ZNF582: variants seen among roughly 807,000 people sequenced by gnomAD.
ZNF582 encodes the protein zinc finger protein 582.
ZNF582 carries 14 observed loss-of-function variants against 12.3 expected under a neutral mutation model. The ratio of observed to expected loss-of-function variants is 1.14; its 90% confidence interval spans 0.75 to 1.78. The LOEUF (loss-of-function observed/expected upper bound fraction) is 1.78, where lower values mean the gene tolerates loss of function less well. Among genes scored for constraint, ZNF582 ranks in the 40% most tolerant of loss-of-function variants. The pLI, the probability that ZNF582 is intolerant of heterozygous loss-of-function variation, is 0.00. For missense variants in ZNF582, 567 were observed against 616.5 expected (o/e 0.92, Z 0.85); for synonymous variants, 210 against 207.2 (o/e 1.01, Z -0.11).
At chr19:56,384,569 T>C in exon 5 of ZNF582, 1 of 1,614,196 alleles carries the variant, frequency 6.2e-7, no homozygotes, top group Non-Finnish European at 8.5e-7. Flanking sequence ...CTTACACTGA[T>C]AGGGTTTCTC....
exon 1 of ZNF582, chr19:56,393,271 C>T: frequency 1.6e-6 from 2 of 1,243,428 alleles, no homozygotes; most frequent in Middle Eastern, 2.3e-4. Flanking sequence ...AAGGGGGCGC[C>T]AGAAAGCGCA....
exon 4 of ZNF582, chr19:56,390,025 C>G: frequency 6.2e-7 from 1 of 1,614,068 alleles, no homozygotes; most frequent in South Asian, 1.1e-5. Context: ...CCAGACACCA[C>G]TCTCTCCACC....
chr19:56,393,058 G>A (rs555733496), intron 1 of ZNF582, among the ~76,000 whole-genome samples, 162 bp downstream of exon 1: 54 of 151,552 alleles, frequency 3.6e-4, no homozygotes, highest in Admixed American at 6.6e-4. Context: ...CCAAGTATAA[G>A]TTTTTCTAAA....
intron 4 of ZNF582, among the ~76,000 whole-genome samples, chr19:56,389,271 T>C (rs1216926812): frequency 4.6e-5 from 7 of 152,208 alleles, no homozygotes; most frequent in African/African-American, 1.7e-4. Flanking sequence ...CCATGGTGCA[T>C]AATAAAAGCT....
At chr19:56,385,174 G>A (rs1034688442) in exon 5 of ZNF582, 2 of 1,592,666 alleles carry the variant, frequency 1.3e-6, no homozygotes, top group Non-Finnish European at 1.7e-6. Context: ...TATCATATCT[G>A]GACTCCAATA....
chr19:56,384,511 A>G, exon 5 of ZNF582: 1 of 1,613,044 alleles, frequency 6.2e-7, no homozygotes, highest in African/African-American at 1.3e-5. Flanking sequence ...TATGAATTCT[A>G]TAATGTACTT....
exon 3 of ZNF582, chr19:56,390,402 C>T: frequency 6.2e-7 from 1 of 1,614,192 alleles, no homozygotes; most frequent in Admixed American, 1.7e-5. Flanking sequence ...CTGTAGGTCT[C>T]CAACATCACG....
intron 1 of ZNF582, among the ~76,000 whole-genome samples, chr19:56,392,910 C>T (rs1256452637): frequency 6.6e-6 from 1 of 152,062 alleles, no homozygotes; most frequent in Admixed American, 6.5e-5. Flanking sequence ...ATGTAATAGG[C>T]AGCTTTTCCT....
intron 2 of ZNF582, 116 bp downstream of exon 2, chr19:56,391,628 G>C: frequency 2.3e-6 from 2 of 868,900 alleles, no homozygotes; most frequent in Non-Finnish European, 1.9e-6. Flanking sequence ...GGAGACTCCT[G>C]CCTGGTCCTT....
In ZNF582 at chr19:56,390,136, G is replaced by A. The variant is rs150210179; in HGVS notation, c.137-40C>T. The A allele has an allele frequency of 3.9e-4, 620 of 1,594,330 alleles. 2 individuals carry two copies. In the African/African-American group the frequency reaches 7.2e-3, roughly 18 times the overall value. On this transcript the variant is annotated intron_variant, in intron 3 of 4. Transcript: ENST00000586929. The stretch of plus-strand genomic sequence containing the variant: ...AAACATGCCACCTGGTTATGGTGTG[G>A]GGGCCCCAGAATTCAGATCCAGGAC...
At chr19:56,384,988 G>T (rs138147752) in exon 5 of ZNF582, 4 of 1,614,020 alleles carry the variant, frequency 2.5e-6, no homozygotes, top group Non-Finnish European at 3.4e-6. Flanking sequence ...CATGTCTGAT[G>T]ATCATCTGAT....
chr19:56,393,508 C>T (rs1204347271), exon 1 of ZNF582: 3 of 502,330 alleles, frequency 6.0e-6, no homozygotes, highest in Admixed American at 4.1e-5. Flanking sequence ...GCGCTTCCAC[C>T]ACGGTACCGG....
rs143822570 is a variant in ZNF582, at chr19:56,389,615, C to A, written c.232+386G>T. Among the ~76,000 whole-genome samples, 342 of 151,982 alleles carry A rather than the reference C, an allele frequency of 2.3e-3. 1 individual carries two copies. Among genetic ancestry groups the A allele is most frequent in the South Asian group, 4.8e-3 (23 of 4,806 alleles). On this transcript the variant is annotated intron_variant, in intron 4 of 4. Transcript: ENST00000586929. ...GTGATGAAATAATCTGTAAACAAAC[C>A]CCCATGACACAAGTTTACCTATTTA...
chr19:56,383,542 T>A (rs1223601667), exon 5 of ZNF582: 1 of 201,266 alleles, frequency 5.0e-6, no homozygotes, highest in East Asian at 1.1e-4. Flanking sequence ...TTATGGTAAT[T>A]GCATGATTTC....
chr19:56,385,191 A>G lies in ZNF582; in HGVS notation c.233-7T>C. ...TCATATCTGGACTCCAATACTAAGA[A>G]TGAAAAAAAGCGAATATGTTTGGCT... On this transcript the variant is annotated splice_region_variant and splice_polypyrimidine_tract_variant and intron_variant, in intron 4 of 4. Transcript: ENST00000586929. 1 of 1,559,468 alleles carries G rather than the reference A, an allele frequency of 6.4e-7. No homozygotes were observed.
chr19:56,383,945 C>T lies in ZNF582; in HGVS notation c.1472G>A (p.Ser491Asn), dbSNP rs571710209. The T allele has an allele frequency of 1.9e-5, 30 of 1,613,370 alleles. No individual in the cohort carries two copies. In the South Asian group the frequency reaches 2.3e-4, roughly 12 times the overall value. ...TTCTCTGATGATTAGTAAGGGGTAA[C>T]TGCTGATGGAAGGCTTTTCTACATT... is the stretch of plus-strand genomic sequence containing the variant. Residue 491 changes from serine (S) to asparagine (N), a missense_variant, in exon 5 of 5, where the codon AGT becomes AAT. Physicochemically the swap from Ser to Asn is conservative, Grantham distance 46. Coordinates refer to ENST00000586929, the Ensembl canonical transcript of ZNF582.
At chr19:56,383,857 A>G in exon 5 of ZNF582, 1 of 1,542,162 alleles carries the variant, frequency 6.5e-7, no homozygotes. Flanking sequence ...CACAGTCACA[A>G]TTAGCCTAGG....
chr19:56,390,431 T>C, exon 3 of ZNF582: 1 of 1,614,166 alleles, frequency 6.2e-7, no homozygotes, highest in South Asian at 1.1e-5. Context: ...CAAATCCCTC[T>C]GAGCAGGTGC....
chr19:56,391,866 G>C, intron 1 of ZNF582, 34 bp from the exon 2 acceptor site: 2 of 1,576,580 alleles, frequency 1.3e-6, no homozygotes, highest in Non-Finnish European at 1.7e-6. Context: ...GAGAGGCTAG[G>C]CTTGCCTCAC....
Sources: gnomAD v4.1 joint callset for allele counts (sites outside exome capture counted in the v4.1 genomes callset) on GRCh38, gnomAD v4.1.1 for gene constraint, MANE v1.5 for transcripts, NCBI Gene and HGNC (gene_info 2026-07-23, HGNC 2026-07-21) for gene names.